The following APBA2 variants were observed in gnomAD, a reference collection of about 807,000 sequenced individuals.
APBA2 encodes amyloid beta precursor protein binding family A member 2.
In APBA2, 30 loss-of-function variants were observed where a neutral mutation model predicts 75.0. The ratio of observed to expected loss-of-function variants is 0.40; its 90% CI spans 0.30 to 0.54. The LOEUF is 0.54. Ranked by LOEUF, APBA2 falls within the 20% of genes least tolerant of loss-of-function variation. The pLI is 0.49. For synonymous variants in APBA2, 444 were observed against 409.6 expected (o/e 1.08, Z -1.01); for missense variants, 801 against 1,016.1 (o/e 0.79, Z 2.88).
intron 13 of APBA2, among the ~76,000 whole-genome samples, chr15:29,109,718 G>A (rs1302049985): frequency 6.6e-6 from 1 of 152,190 alleles, no homozygotes; most frequent in East Asian, 1.9e-4. Context: ...CAGGGGCATC[G>A]CCAGCGTCAG....
At chr15:28,979,848 G>T (rs190743792) in intron 2 of APBA2, among the ~76,000 whole-genome samples, 1 of 152,280 alleles carries the variant, frequency 6.6e-6, no homozygotes, top group Admixed American at 6.5e-5. Context: ...GTTAAGAGAT[G>T]ATTTTTCTGA....
At chr15:28,969,128 T>TTCTCTTTCTTTCTTTC (rs755972827) in intron 2 of APBA2, among the ~76,000 whole-genome samples, 3 of 137,142 alleles carry the variant, frequency 2.2e-5, no homozygotes, top group South Asian at 2.5e-4. Flanking sequence ...TTTCATTTCT[T>TTCTCTTTCTTTCTTTC]TTTCTTTCTT....
chr15:28,953,148 G>A (rs886387620), intron 2 of APBA2, among the ~76,000 whole-genome samples: 2 of 152,112 alleles, frequency 1.3e-5, no homozygotes, highest in African/African-American at 4.8e-5. Flanking sequence ...CCATATGGCT[G>A]GTTGAGACTC....
chr15:29,029,332 CA>C (rs530631001), intron 3 of APBA2, among the ~76,000 whole-genome samples: 225 of 136,292 alleles, frequency 1.7e-3, no homozygotes, highest in Middle Eastern at 3.7e-3. Flanking sequence ...ACTTTTCTAC[CA>C]AAAAAAAAAA....
At chr15:28,948,530 G>A (rs1456944740) in intron 2 of APBA2, among the ~76,000 whole-genome samples, 2 of 152,182 alleles carry the variant, frequency 1.3e-5, no homozygotes, top group East Asian at 3.9e-4. Context: ...GAGTCCTGGT[G>A]TGTCCAGTTT....
In APBA2 at chr15:29,079,290, G is replaced by T. The variant is rs546357705; in HGVS notation, c.1069+3199G>T. On this transcript the variant is annotated intron_variant, in intron 6 of 14. Coordinates refer to ENST00000683413, the MANE Select transcript of APBA2 (RefSeq NM_001353788.2). ...ACCATTGCAGCTGACCCATCCAGGG[G>T]CCCATGAGACTAGCTGTGTGGGTGC... Among the ~76,000 whole-genome samples the T allele has an allele frequency of 1.5e-3, 233 of 152,198 alleles. 1 individual carries two copies. Among genetic ancestry groups the T allele is most frequent in the African/African-American group, 5.4e-3 (226 of 41,522 alleles).
At chr15:29,061,292 C>T (rs2042120888) in intron 4 of APBA2, among the ~76,000 whole-genome samples, 1 of 152,196 alleles carries the variant, frequency 6.6e-6, no homozygotes, top group Non-Finnish European at 1.5e-5. Context: ...TGAAATTCTC[C>T]CTGTAGAGAC....
At chr15:28,895,347 A>G (rs2032409091) in intron 1 of APBA2, among the ~76,000 whole-genome samples, 1 of 152,104 alleles carries the variant, frequency 6.6e-6, no homozygotes, top group Non-Finnish European at 1.5e-5. Flanking sequence ...GTCCTGCGTC[A>G]GGAGAGGGGA....
At chr15:28,984,760 C>CT (rs957695932) in intron 2 of APBA2, among the ~76,000 whole-genome samples, 1 of 151,272 alleles carries the variant, frequency 6.6e-6, no homozygotes, top group African/African-American at 2.4e-5. Context: ...CTCTCTCCCC[C>CT]CCCACCCCAC....
In APBA2 at chr15:29,007,313, C is replaced by T. The variant is rs116282371; in HGVS notation, c.-41+11507C>T. On this transcript the variant is annotated intron_variant, in intron 3 of 14. Coordinates refer to ENST00000683413, the MANE Select transcript of APBA2 (RefSeq NM_001353788.2). ...AGAAAACAGGTGCACAACTTCATGA[C>T]ATTGGATTTGGTAGTGACTTCTTGG... Among the ~76,000 whole-genome samples the T allele has an allele frequency of 2.8e-3, 420 of 152,260 alleles. 2 individuals carry two copies. Among genetic ancestry groups the T allele is most frequent in the African/African-American group, 9.5e-3 (394 of 41,554 alleles).
Position 28,992,616 on chromosome 15 carries a change from C to T in APBA2, c.-94-3137C>T, listed in dbSNP as rs577314244. On this transcript the variant is annotated intron_variant, in intron 2 of 14. Coordinates refer to ENST00000683413, the MANE Select transcript of APBA2 (RefSeq NM_001353788.2). ...TGAGGCTGTGTACTGGACGTGTTCT[C>T]TGTGGCTGAGTTCTGCTGTGGATTC... 3.3e-5 allele frequency among the ~76,000 whole-genome samples: 5 copies of T among 152,332 alleles called. No homozygotes were observed. The South Asian group carries it at 6.2e-4, about 19-fold the overall frequency.
chr15:28,937,532 C>G (rs1871640625), intron 2 of APBA2, among the ~76,000 whole-genome samples: 1 of 152,186 alleles, frequency 6.6e-6, no homozygotes, highest in Non-Finnish European at 1.5e-5. Flanking sequence ...GGAGAAAGGG[C>G]CTCCTGGTGG....
intron 2 of APBA2, among the ~76,000 whole-genome samples, chr15:28,967,709 A>T (rs1047389205): frequency 2.0e-5 from 3 of 152,296 alleles, no homozygotes; most frequent in African/African-American, 7.2e-5. Flanking sequence ...AAGTGCTAGG[A>T]TTATAGGTGT....
intron 2 of APBA2, among the ~76,000 whole-genome samples, chr15:28,944,967 C>A (rs2035459705): frequency 6.6e-6 from 1 of 152,162 alleles, no homozygotes; most frequent in South Asian, 2.1e-4. Context: ...AGGCCTTGCC[C>A]CCGCTTTGCC....
chr15:28,982,382 T>G (rs187319336), intron 2 of APBA2, among the ~76,000 whole-genome samples: 10 of 152,360 alleles, frequency 6.6e-5, no homozygotes, highest in Admixed American at 2.6e-4. Context: ...AGACATTTGA[T>G]GTAACTAAGT....
intron 3 of APBA2, among the ~76,000 whole-genome samples, chr15:29,039,311 G>A (rs1304515252): frequency 6.6e-6 from 1 of 152,068 alleles, no homozygotes; most frequent in Admixed American, 6.6e-5. Flanking sequence ...AGCAGGGAGT[G>A]GTAGAGGAGA....
rs770399185 is a variant in APBA2, at chr15:29,053,908, C to T, written c.24C>T (p.Ser8=). ...CCATGGCCCACCGGAAGCTTGAGAGCGTGGGGAGCGGCATGTTGGACCATA... is the reference window on the plus strand; with the variant it reads ...CCATGGCCCACCGGAAGCTTGAGAGTGTGGGGAGCGGCATGTTGGACCATA... MAHRKLE[S]VGSGMLDHRV... is the part of the protein sequence containing the mutation. The change falls in exon 4 of 15, where the codon AGC becomes AGT. Residue 8 remains serine, a synonymous_variant. Coordinates refer to ENST00000683413, the MANE Select transcript of APBA2 (RefSeq NM_001353788.2). 1.6e-5 allele frequency: 25 copies of T among 1,612,280 alleles called. No individual in the cohort carries two copies. Among genetic ancestry groups the T allele is most frequent in the South Asian group, 4.4e-5 (4 of 91,040 alleles).
At chr15:29,020,182 G>A (rs1266198409) in intron 3 of APBA2, among the ~76,000 whole-genome samples, 2 of 151,826 alleles carry the variant, frequency 1.3e-5, no homozygotes, top group Non-Finnish European at 2.9e-5. Context: ...TGGGTGTGTG[G>A]GTATACAAGC....
intron 6 of APBA2, among the ~76,000 whole-genome samples, chr15:29,081,653 T>C (rs1041986366): frequency 2.0e-5 from 3 of 152,254 alleles, no homozygotes; most frequent in Admixed American, 6.5e-5. Context: ...TTTCCTTAAA[T>C]AGACATTGCA....
Sources: allele counts gnomAD v4.1 joint callset (sites outside exome capture counted in the v4.1 genomes callset), GRCh38; gene constraint gnomAD v4.1.1; transcripts MANE v1.5; gene names NCBI Gene and HGNC (gene_info 2026-07-23, HGNC 2026-07-21).